The following ZNF544 variants were observed in gnomAD, a reference collection of about 807,000 sequenced individuals.
ZNF544 encodes the protein zinc finger protein 544, also known as zinc finger protein AF020591.
ZNF544 carries 10 observed loss-of-function variants against 13.5 expected under a neutral mutation model. The ratio of observed to expected loss-of-function variants is 0.74; its 90% confidence interval spans 0.46 to 1.25. The LOEUF is 1.25. Ranked by LOEUF, ZNF544 falls within the 50% of genes most tolerant of loss-of-function variation. The pLI is 0.00. For synonymous variants in ZNF544, 323 were observed against 300.5 expected (o/e 1.07, Z -0.77); for missense variants, 896 against 845.6 (o/e 1.06, Z -0.74).
chr19:58,270,304 CTTTT>C (rs202213273), intron 5 of ZNF544, among the ~76,000 whole-genome samples: 1 of 136,408 alleles, frequency 7.3e-6, no homozygotes, highest in African/African-American at 2.7e-5. Flanking sequence ...TAGGTATTGG[CTTTT>C]TTTTTCTTTT....
chr19:58,240,009 G>C (rs978164187), intron 3 of ZNF544, among the ~76,000 whole-genome samples: 9 of 152,170 alleles, frequency 5.9e-5, no homozygotes, highest in African/African-American at 2.2e-4. Flanking sequence ...TGCGTAGACA[G>C]TGCTTAATTC....
chr19:58,256,664 A>G (rs1404081763), intron 6 of ZNF544, among the ~76,000 whole-genome samples: 1 of 152,180 alleles, frequency 6.6e-6, no homozygotes, highest in East Asian at 1.9e-4. Flanking sequence ...TCTCTTTGAG[A>G]AAAATCCTGG....
At chr19:58,271,201 G>C (rs1247957034) in intron 5 of ZNF544, among the ~76,000 whole-genome samples, 2 of 146,640 alleles carry the variant, frequency 1.4e-5, no homozygotes, top group African/African-American at 5.1e-5. Context: ...AACAGAGTCA[G>C]ACTCCGTCTC....
Position 58,244,009 on chromosome 19 carries a change from A to G in ZNF544, c.-15A>G. 6.2e-7 allele frequency: 1 copy of G among 1,605,496 alleles called. No homozygotes were observed. The highest frequency in any genetic ancestry group is 1.1e-5 in the South Asian group (1 of 89,318). On this transcript the variant is annotated 5_prime_UTR_variant, in exon 4 of 7. Transcript: ENST00000687789. Reference sequence around the variant, plus strand: ...CTGCCCTCTACACAGCGGCCTCTTCAGGTGCAGGGAGGAAATGGAAGCACG... The same window carrying G: ...CTGCCCTCTACACAGCGGCCTCTTCGGGTGCAGGGAGGAAATGGAAGCACG...
intron 3 of ZNF544, among the ~76,000 whole-genome samples, chr19:58,238,197 G>C (rs984513710): frequency 4.6e-5 from 7 of 152,304 alleles, no homozygotes; most frequent in African/African-American, 1.7e-4. Context: ...CTCCCAGAGT[G>C]CTGGGATTAC....
chr19:58,272,494 T>C (rs1174613844), intron 5 of ZNF544, among the ~76,000 whole-genome samples: 3 of 151,760 alleles, frequency 2.0e-5, no homozygotes, highest in Non-Finnish European at 2.9e-5. Flanking sequence ...AAGTTGAGGC[T>C]GCAGTGAGCT....
intron 5 of ZNF544, among the ~76,000 whole-genome samples, chr19:58,270,215 A>C (rs1003270865): frequency 1.4e-4 from 21 of 152,080 alleles, no homozygotes; most frequent in South Asian, 1.2e-3. Context: ...ATGAAATTTG[A>C]ATAAAGGAGG....
intron 5 of ZNF544, among the ~76,000 whole-genome samples, chr19:58,274,760 T>A (rs1319314592): frequency 6.6e-6 from 1 of 152,172 alleles, no homozygotes; most frequent in African/African-American, 2.4e-5. Context: ...CTGGCTTCAC[T>A]TAAGGCAGTT....
At chr19:58,270,482 A>G (rs1358730418) in intron 5 of ZNF544, among the ~76,000 whole-genome samples, 1 of 152,052 alleles carries the variant, frequency 6.6e-6, no homozygotes, top group Non-Finnish European at 1.5e-5. Flanking sequence ...TTGTATTTTT[A>G]GTAGACACAG....
chr19:58,266,333 G>A (rs1039739517), downstream of ZNF544, among the ~76,000 whole-genome samples: 18 of 150,152 alleles, frequency 1.2e-4, no homozygotes, highest in Non-Finnish European at 2.4e-4. Context: ...GGCTAACACA[G>A]TGAAACCCCG....
intron 5 of ZNF544, among the ~76,000 whole-genome samples, chr19:58,270,685 T>C (rs1382794392): frequency 6.6e-6 from 1 of 152,194 alleles, no homozygotes; most frequent in Admixed American, 6.5e-5. Context: ...ACTGTTGTCA[T>C]TATTCCTGTC....
intron 5 of ZNF544, among the ~76,000 whole-genome samples, chr19:58,273,691 A>T (rs984454601): frequency 2.3e-4 from 34 of 146,388 alleles, no homozygotes; most frequent in African/African-American, 7.8e-4. Context: ...CTCTGTCTCA[A>T]AAAAAAAAAA....
chr19:58,257,879 C>T (rs1279078927), intron 6 of ZNF544: 1 of 152,258 alleles, frequency 6.6e-6, no homozygotes, highest in Non-Finnish European at 1.5e-5. Flanking sequence ...ACGTTTCCCC[C>T]AGGCTGGAGA....
At chr19:58,268,733 C>T (rs552270895), downstream of ZNF544, among the ~76,000 whole-genome samples, 62 of 152,348 alleles carry the variant, frequency 4.1e-4, no homozygotes, top group Middle Eastern at 0.01. Context: ...GAGGAAGTTG[C>T]TTATGCCAGA....
intron 3 of ZNF544, among the ~76,000 whole-genome samples, chr19:58,243,570 C>T (rs2146972585): frequency 6.6e-6 from 1 of 152,054 alleles, no homozygotes; most frequent in African/African-American, 2.4e-5. Flanking sequence ...CCCTGCGCCG[C>T]CCTGCTGGGG....
chr19:58,237,062 CTTT>C (rs869237830), intron 3 of ZNF544, among the ~76,000 whole-genome samples: 1 of 133,328 alleles, frequency 7.5e-6, no homozygotes. Flanking sequence ...AACTTTTTAC[CTTT>C]TTTTTTTTTT....
Position 58,243,962 on chromosome 19 carries a change from C to G in ZNF544, c.-59-3C>G. 1 of 1,567,412 alleles carries G rather than the reference C, an allele frequency of 6.4e-7. No individual in the cohort carries two copies. The highest frequency in any genetic ancestry group is 1.7e-4 in the Middle Eastern group (1 of 5,890). On this transcript the variant is annotated splice_polypyrimidine_tract_variant and splice_region_variant and intron_variant, in intron 3 of 6. Coordinates refer to ENST00000687789, the MANE Select transcript of ZNF544 (RefSeq NM_014480.4). ...CTGAATCTCTGCTTGTTTTCCACCC[C>G]AGACTGGTCTTCTGAGGACCTCTGC...
chr19:58,250,574 G>A (rs2046132692), intron 6 of ZNF544, among the ~76,000 whole-genome samples: 1 of 152,070 alleles, frequency 6.6e-6, no homozygotes, highest in Admixed American at 6.6e-5. Flanking sequence ...TAATCTCTAG[G>A]GTGTAGTTAC....
chr19:58,243,891 T>C, intron 3 of ZNF544, 74 bp from the exon 4 acceptor site: 2 of 1,269,890 alleles, frequency 1.6e-6, no homozygotes, highest in East Asian at 5.5e-5. Context: ...GGCCCCGCGT[T>C]CTCTAGGGTG....
Sources: allele counts gnomAD v4.1 joint callset (sites outside exome capture counted in the v4.1 genomes callset), GRCh38; gene constraint gnomAD v4.1.1; transcripts MANE v1.5; gene names NCBI Gene and HGNC (gene_info 2026-07-23, HGNC 2026-07-21).